The following CNTNAP2 variants were observed in gnomAD, a reference collection of about 807,000 sequenced individuals.
CNTNAP2 encodes the protein contactin-associated protein-like 2.
In CNTNAP2, 98 loss-of-function variants were observed where a neutral mutation model predicts 155.2. That is an observed-to-expected ratio of 0.63 (90% CI 0.54 to 0.75). CNTNAP2 has a LOEUF of 0.75. Ranked by LOEUF, CNTNAP2 falls within the 30% of genes least tolerant of loss-of-function variation. CNTNAP2 has a pLI of 0.00. For synonymous variants in CNTNAP2, 651 were observed against 631.2 expected, an observed-to-expected ratio of 1.03 and a Z score of -0.47; for missense variants, 1,727 against 1,688.1, an observed-to-expected ratio of 1.02 and a Z score of -0.40.
At chr7:146,789,280 A>C (rs1395359799) in intron 2 of CNTNAP2, among the ~76,000 whole-genome samples, 1 of 152,120 alleles carries the variant, frequency 6.6e-6, no homozygotes, top group Non-Finnish European at 1.5e-5. Context: ...TTTTGGAAAA[A>C]TTTGAATAAT....
chr7:147,761,389 A>G (rs1797296134), intron 13 of CNTNAP2, among the ~76,000 whole-genome samples: 1 of 152,198 alleles, frequency 6.6e-6, no homozygotes, highest in Non-Finnish European at 1.5e-5. Flanking sequence ...GCCTGTGCTT[A>G]TAAAAAATGA....
chr7:147,722,358 C>T (rs1043257137), intron 13 of CNTNAP2, among the ~76,000 whole-genome samples: 7 of 152,064 alleles, frequency 4.6e-5, no homozygotes, highest in Admixed American at 2.0e-4. Flanking sequence ...CATTGTTGAG[C>T]GTGGTTTACT....
intron 10 of CNTNAP2, among the ~76,000 whole-genome samples, chr7:147,399,451 G>A (rs1468777547): frequency 2.6e-5 from 4 of 152,116 alleles, no homozygotes; most frequent in Non-Finnish European, 5.9e-5. Context: ...ATATTTTGGA[G>A]GCAGAGTCAG....
intron 1 of CNTNAP2, among the ~76,000 whole-genome samples, chr7:146,595,394 A>G (rs1433839480): frequency 1.3e-5 from 2 of 152,070 alleles, no homozygotes; most frequent in Non-Finnish European, 2.9e-5. Context: ...ATATAATAGT[A>G]TGAATACATG....
intron 1 of CNTNAP2, among the ~76,000 whole-genome samples, chr7:146,665,799 T>TAAAAAAAAAAAAAAAAAAAAAAAAAAA (rs1800183537): frequency 1.1e-5 from 1 of 94,140 alleles, no homozygotes; most frequent in African/African-American, 4.8e-5. Flanking sequence ...AAAAAAAAAA[T>TAAAAAAAAAAAAAAAAAAAAAAAAAAA]ACATTTTGTA....
intron 3 of CNTNAP2, among the ~76,000 whole-genome samples, chr7:147,022,807 AC>A (rs1346242774): frequency 2.0e-5 from 3 of 152,130 alleles, no homozygotes; most frequent in Non-Finnish European, 1.5e-5. Context: ...AAATTGGAAA[AC>A]AAACATGGGA....
chr7:147,341,757 CACACAT>C (rs1447955596), intron 9 of CNTNAP2, among the ~76,000 whole-genome samples: 25 of 111,634 alleles, frequency 2.2e-4, no homozygotes, highest in African/African-American at 8.4e-4. Flanking sequence ...CTATCACACA[CACACAT>C]ACACATACAC....
At chr7:147,374,628 CA>C (rs1428821838) in intron 9 of CNTNAP2, among the ~76,000 whole-genome samples, 1 of 152,058 alleles carries the variant, frequency 6.6e-6, no homozygotes, top group African/African-American at 2.4e-5. Context: ...TGATTTGTGA[CA>C]TAGCATATCC....
At chr7:146,679,424 C>T (rs1479319474) in intron 1 of CNTNAP2, among the ~76,000 whole-genome samples, 4 of 142,716 alleles carry the variant, frequency 2.8e-5, no homozygotes, top group South Asian at 2.2e-4. Flanking sequence ...GGCTCGATCT[C>T]GGCTCACTGC....
chr7:148,042,682 C>T (rs1442417991), intron 15 of CNTNAP2, among the ~76,000 whole-genome samples: 6 of 152,196 alleles, frequency 3.9e-5, no homozygotes, highest in African/African-American at 4.8e-5. Context: ...TGGGTATTCA[C>T]GATCCATGCC....
chr7:147,439,931 T>A lies in CNTNAP2; in HGVS notation c.1670+44151T>A, dbSNP rs1797609644. ...TTTTGGTTTCCAGTGGCGTGGAATA[T>A]CTTTTTCCATCCCTTCATTTTCAGT... On this transcript the variant is annotated intron_variant, in intron 10 of 23. Transcript: ENST00000361727. Among the ~76,000 whole-genome samples, 3 of 152,056 alleles carry A rather than the reference T, an allele frequency of 2.0e-5. No homozygotes were observed. The South Asian group carries it at 6.2e-4, about 31-fold the overall frequency.
intron 1 of CNTNAP2, among the ~76,000 whole-genome samples, chr7:146,767,044 C>A (rs371014730): frequency 6.6e-6 from 1 of 152,124 alleles, no homozygotes; most frequent in Non-Finnish European, 1.5e-5. Flanking sequence ...GATTTCATTC[C>A]AATTCCATTA....
chr7:146,684,236 TATAAG>T (rs1246275804), intron 1 of CNTNAP2, among the ~76,000 whole-genome samples: 2 of 152,100 alleles, frequency 1.3e-5, no homozygotes, highest in African/African-American at 4.8e-5. Context: ...TATTCCAAAA[TATAAG>T]ATGAGTTCAC....
intron 7 of CNTNAP2, among the ~76,000 whole-genome samples, chr7:147,129,976 C>T (rs953194468): frequency 4.0e-5 from 6 of 151,836 alleles, no homozygotes; most frequent in African/African-American, 7.3e-5. Context: ...CTAGGCAAGT[C>T]GTATTTTATA....
intron 1 of CNTNAP2, among the ~76,000 whole-genome samples, chr7:146,737,150 T>G (rs912237395): frequency 6.6e-6 from 1 of 152,134 alleles, no homozygotes; most frequent in Non-Finnish European, 1.5e-5. Context: ...ACAAGACATA[T>G]TTTTATTTAT....
At chr7:147,965,688 C>A (rs117499121) in intron 14 of CNTNAP2, among the ~76,000 whole-genome samples, 1 of 152,024 alleles carries the variant, frequency 6.6e-6, no homozygotes, top group African/African-American at 2.4e-5. Flanking sequence ...AATTTTAGAT[C>A]CTGTATTTTC....
chr7:147,315,305 A>C (rs912189443), intron 9 of CNTNAP2, among the ~76,000 whole-genome samples: 4 of 150,776 alleles, frequency 2.7e-5, no homozygotes, highest in African/African-American at 9.7e-5. Context: ...GAATATTCAC[A>C]GAGTCTTGTA....
intron 4 of CNTNAP2, among the ~76,000 whole-genome samples, chr7:147,054,016 C>G (rs765259477): frequency 9.9e-5 from 15 of 152,120 alleles, no homozygotes; most frequent in African/African-American, 3.4e-4. Flanking sequence ...GCGAATTAAT[C>G]GCAGACCTAG....
intron 20 of CNTNAP2, among the ~76,000 whole-genome samples, chr7:148,266,201 C>T (rs1796665159): frequency 6.6e-6 from 1 of 152,216 alleles, no homozygotes; most frequent in Non-Finnish European, 1.5e-5. Context: ...ATTAAACTCA[C>T]TTCAGAAAAA....
Sources: allele counts gnomAD v4.1 joint callset (sites outside exome capture counted in the v4.1 genomes callset), GRCh38; gene constraint gnomAD v4.1.1; transcripts MANE v1.5; gene names NCBI Gene and HGNC (gene_info 2026-07-23, HGNC 2026-07-21).